The following PTPRK variants were observed in gnomAD, a reference collection of about 807,000 sequenced individuals.
PTPRK encodes receptor-type tyrosine-protein phosphatase kappa.
PTPRK carries 75 observed loss-of-function variants against 178.0 expected under a neutral mutation model. The ratio of observed to expected loss-of-function variants is 0.42; its 90% CI spans 0.35 to 0.51. PTPRK has a LOEUF of 0.51. PTPRK is among the 20% of genes least tolerant of loss of function. The pLI, the probability that PTPRK is intolerant of heterozygous loss-of-function variation, is 0.02. For missense variants in PTPRK, 1,441 were observed against 1,797.8 expected (o/e 0.80, Z 3.59); for synonymous variants, 637 against 620.6 (o/e 1.03, Z -0.39).
intron 3 of PTPRK, among the ~76,000 whole-genome samples, chr6:128,307,418 G>A (rs1031595160): frequency 5.3e-5 from 8 of 149,580 alleles, no homozygotes; most frequent in South Asian, 2.1e-4. Flanking sequence ...CTCAGTGCTG[G>A]GAAGAGCTTC....
intron 6 of PTPRK, among the ~76,000 whole-genome samples, chr6:128,198,428 C>T (rs1805308620): frequency 6.6e-6 from 1 of 151,942 alleles, no homozygotes; most frequent in African/African-American, 2.4e-5. Context: ...ACAACGAGAA[C>T]ACATGGACAC....
At chr6:128,033,102 T>C (rs1775625653) in intron 13 of PTPRK, among the ~76,000 whole-genome samples, 1 of 152,150 alleles carries the variant, frequency 6.6e-6, no homozygotes, top group Non-Finnish European at 1.5e-5. Flanking sequence ...GTAGGAAATC[T>C]AGGAGAACAT....
intron 2 of PTPRK, among the ~76,000 whole-genome samples, chr6:128,370,381 A>C (rs1836103756): frequency 6.6e-6 from 1 of 152,146 alleles, no homozygotes; most frequent in South Asian, 2.1e-4. Context: ...AATAGGGAAT[A>C]GAACTCAGGG....
intron 7 of PTPRK, among the ~76,000 whole-genome samples, chr6:128,167,725 A>T (rs748273713): frequency 9.9e-5 from 15 of 152,056 alleles, no homozygotes; most frequent in Non-Finnish European, 1.9e-4. Flanking sequence ...AGTTGAATAG[A>T]CATTTCATGA....
At chr6:127,986,520 C>T (rs1460994110) in intron 21 of PTPRK, among the ~76,000 whole-genome samples, 2 of 152,156 alleles carry the variant, frequency 1.3e-5, no homozygotes, top group Non-Finnish European at 2.9e-5. Context: ...TTGTGCTGCT[C>T]TCCTATTGGG....
chr6:128,331,616 G>A (rs1447957996), intron 2 of PTPRK, among the ~76,000 whole-genome samples: 1 of 151,982 alleles, frequency 6.6e-6, no homozygotes. Flanking sequence ...TTAATTCTTC[G>A]AGCTTTTACA....
At chr6:128,357,252 T>G (rs936741666) in intron 2 of PTPRK, among the ~76,000 whole-genome samples, 1 of 152,126 alleles carries the variant, frequency 6.6e-6, no homozygotes, top group Non-Finnish European at 1.5e-5. Context: ...TAAATCAAGG[T>G]TTCAAGTCAG....
intron 1 of PTPRK, among the ~76,000 whole-genome samples, chr6:128,438,702 C>T (rs2128399192): frequency 6.6e-6 from 1 of 152,242 alleles, no homozygotes; most frequent in South Asian, 2.1e-4. Flanking sequence ...TGAGAAAAGC[C>T]TAAAGACAAA....
intron 3 of PTPRK, among the ~76,000 whole-genome samples, chr6:128,268,029 T>C (rs1187727891): frequency 6.6e-6 from 1 of 152,002 alleles, no homozygotes; most frequent in Non-Finnish European, 1.5e-5. Flanking sequence ...CAGCATCATA[T>C]TTTAGCACAC....
intron 3 of PTPRK, among the ~76,000 whole-genome samples, chr6:128,287,798 G>A (rs570132445): frequency 1.2e-4 from 19 of 152,190 alleles, no homozygotes; most frequent in South Asian, 1.0e-3. Flanking sequence ...ATCTCATTCC[G>A]TCTGTCATCA....
rs765637611 is a variant in PTPRK at position 128,321,852 on chromosome 6, G to A, written c.495+187C>T. 30 of 783,468 alleles carry A rather than the reference G, an allele frequency of 3.8e-5. No individual in the cohort carries two copies. The Middle Eastern group carries it at 4.4e-3, about 116-fold the overall frequency. 48.5% of individuals were successfully genotyped at this position (783,468 alleles called of 1,614,324 possible). On this transcript the variant is annotated intron_variant, in intron 3 of 29. Transcript: ENST00000368226. ...TCATCAACAGGGTGGGGAAGAAAGAGGGGCAATCTCTCATTACCATGGGAT... is the reference window on the plus strand; with the variant it reads ...TCATCAACAGGGTGGGGAAGAAAGAAGGGCAATCTCTCATTACCATGGGAT...
intron 5 of PTPRK, chr6:128,230,931 G>A (rs1438153175): frequency 1.3e-5 from 2 of 152,166 alleles, no homozygotes; most frequent in Non-Finnish European, 2.9e-5. Context: ...GATCAGTTAT[G>A]TAATCTGTAA....
intron 1 of PTPRK, among the ~76,000 whole-genome samples, chr6:128,475,848 CA>C (rs1320285205): frequency 1.3e-5 from 2 of 151,956 alleles, no homozygotes; most frequent in African/African-American, 4.8e-5. Context: ...GGAGAAAAAG[CA>C]GGAAGCACTT....
chr6:128,054,419 G>C lies in PTPRK; in HGVS notation c.2194+10339C>G, dbSNP rs561776577. Among the ~76,000 whole-genome samples the C allele has an allele frequency of 1.2e-4, 18 of 152,274 alleles. No individual in the cohort carries two copies. In the South Asian group the frequency reaches 2.1e-3, roughly 18 times the overall value. On this transcript the variant is annotated intron_variant, in intron 13 of 29. Transcript: ENST00000368226. ...AAAATGTCTCACATGTACTTTACTA[G>C]AAATTTCACATCTATTATTTCTGCT...
chr6:128,377,000 CA>C (rs1254468404), intron 2 of PTPRK, among the ~76,000 whole-genome samples: 8 of 152,176 alleles, frequency 5.3e-5, no homozygotes, highest in Admixed American at 5.2e-4. Flanking sequence ...CCCAAGTCAA[CA>C]GGTCTCTAGG....
At chr6:128,012,818 A>G (rs1779197053) in intron 13 of PTPRK, among the ~76,000 whole-genome samples, 1 of 151,446 alleles carries the variant, frequency 6.6e-6, no homozygotes, top group African/African-American at 2.4e-5. Flanking sequence ...GACATTAGAG[A>G]TAGAAGCCTG....
intron 3 of PTPRK, among the ~76,000 whole-genome samples, chr6:128,299,372 T>C (rs578247566): frequency 7.9e-5 from 12 of 151,752 alleles, no homozygotes; most frequent in Non-Finnish European, 1.6e-4. Flanking sequence ...AAAAAACTAC[T>C]TTAAAGTTCA....
intron 2 of PTPRK, among the ~76,000 whole-genome samples, chr6:128,353,546 A>G (rs1322897053): frequency 1.3e-5 from 2 of 152,234 alleles, no homozygotes; most frequent in East Asian, 3.8e-4. Context: ...TAATATGCAC[A>G]ACTTGCATGG....
rs1792270819 is a variant in PTPRK at position 128,120,418 on chromosome 6, T to A, written c.1163-30426A>T. Among the ~76,000 whole-genome samples the A allele has an allele frequency of 1.3e-5, 2 of 152,020 alleles. 1 individual carries two copies. Among genetic ancestry groups the A allele is most frequent in the Admixed American group, 1.3e-4 (2 of 15,268 alleles). ...AATGTTTATCTCTATTTGAGGCTCT[T>A]TATTTTGAATATAGTAATCCCACTA... is the stretch of plus-strand genomic sequence containing the variant. On this transcript the variant is annotated intron_variant, in intron 7 of 29. Transcript: ENST00000368226.
Sources: allele counts gnomAD v4.1 joint callset (sites outside exome capture counted in the v4.1 genomes callset), GRCh38; gene constraint gnomAD v4.1.1; transcripts MANE v1.5; gene names NCBI Gene and HGNC (gene_info 2026-07-23, HGNC 2026-07-21).